TXNDC8: variants seen among roughly 807,000 people sequenced by gnomAD.
TXNDC8 encodes thioredoxin domain containing 8.
In TXNDC8, 15 loss-of-function variants were observed where a neutral mutation model predicts 12.9. The observed-to-expected ratio is 1.16, with a 90% CI of 0.78 to 1.79. The LOEUF (loss-of-function observed/expected upper bound fraction) is 1.79, where lower values mean the gene tolerates loss of function less well. Among genes scored for constraint, TXNDC8 ranks in the 40% most tolerant of loss-of-function variants. The probability of loss-of-function intolerance (pLI) is 0.00; values close to 1 mark genes in which losing one functional copy is unlikely to be tolerated. For synonymous variants in TXNDC8, 40 were observed against 35.4 expected (o/e 1.13, Z -0.46); for missense variants, 128 against 113.2 (o/e 1.13, Z -0.59).
At chr9:110,329,160 A>C in intron 2 of TXNDC8, 72 bp downstream of exon 3, 1 of 1,276,126 alleles carries the variant, frequency 7.8e-7, no homozygotes, top group Non-Finnish European at 1.1e-6. Context: ...ATTAATAATT[A>C]CTGAGACAGT....
At chr9:110,337,216 G>T (rs909883530) in intron 1 of TXNDC8, among the ~76,000 whole-genome samples, 1 of 152,092 alleles carries the variant, frequency 6.6e-6, no homozygotes, top group Non-Finnish European at 1.5e-5. Context: ...CAGAAGGTCT[G>T]GGTTCTAATG....
At chr9:110,328,662 C>T (rs545756515) in intron 2 of TXNDC8, among the ~76,000 whole-genome samples, 156 of 152,186 alleles carry the variant, frequency 1.0e-3, no homozygotes, top group Non-Finnish European at 1.7e-3. Context: ...CAAAATTAGC[C>T]GGGCGTGGTG....
At chr9:110,334,195 A>T in intron 2 of TXNDC8, 21 bp downstream of exon 2, 1 of 1,568,378 alleles carries the variant, frequency 6.4e-7, no homozygotes, top group South Asian at 1.1e-5. Context: ...AAACTATGAG[A>T]TATATACTGG....
chr9:110,319,290 G>A (rs773871080), intron 3 of TXNDC8, among the ~76,000 whole-genome samples: 6 of 152,198 alleles, frequency 3.9e-5, no homozygotes, highest in East Asian at 1.9e-4. Context: ...TTAAATGGAT[G>A]TTGTAGTTAT....
chr9:110,320,091 T>G (rs962474183), intron 3 of TXNDC8, among the ~76,000 whole-genome samples: 5 of 152,232 alleles, frequency 3.3e-5, no homozygotes, highest in African/African-American at 1.2e-4. Flanking sequence ...AATCAAAGAA[T>G]GAAAGATGGA....
At chr9:110,314,511 C>T (rs1337590561) in intron 3 of TXNDC8, among the ~76,000 whole-genome samples, 1 of 150,446 alleles carries the variant, frequency 6.6e-6, no homozygotes, top group African/African-American at 2.5e-5. Flanking sequence ...CGGCTCACTG[C>T]AAGCTCCGCC....
chr9:110,320,090 A>C (rs1379726483), intron 3 of TXNDC8, among the ~76,000 whole-genome samples: 1 of 152,226 alleles, frequency 6.6e-6, no homozygotes, highest in Non-Finnish European at 1.5e-5. Context: ...TAATCAAAGA[A>C]TGAAAGATGG....
intron 3 of TXNDC8, among the ~76,000 whole-genome samples, chr9:110,311,798 C>CTA (rs201493660): frequency 3.3e-5 from 4 of 123,012 alleles, no homozygotes; most frequent in Non-Finnish European, 5.4e-5. Flanking sequence ...ATACTATATA[C>CTA]TATATATACT....
At chr9:110,307,188 A>C (rs1489627377) in intron 3 of TXNDC8, among the ~76,000 whole-genome samples, 1 of 151,886 alleles carries the variant, frequency 6.6e-6, no homozygotes, top group Non-Finnish European at 1.5e-5. Flanking sequence ...TCCTGGCCTC[A>C]AAAGATCCTC....
chr9:110,319,920 A>C (rs1839028708), intron 3 of TXNDC8, among the ~76,000 whole-genome samples: 1 of 152,230 alleles, frequency 6.6e-6, no homozygotes, highest in African/African-American at 2.4e-5. Flanking sequence ...CATAAACATA[A>C]GGGCACAAGC....
intron 2 of TXNDC8, 47 bp from the exon 4 acceptor site, chr9:110,326,287 T>C: frequency 6.3e-7 from 1 of 1,597,946 alleles, no homozygotes; most frequent in Non-Finnish European, 8.6e-7. Flanking sequence ...TGGTGTCCTC[T>C]CTCTGTACCA....
downstream of TXNDC8, among the ~76,000 whole-genome samples, chr9:110,301,335 G>A: frequency 6.6e-6 from 1 of 152,196 alleles, no homozygotes; most frequent in East Asian, 1.9e-4. Context: ...GGTAATGAAT[G>A]CAAAGGGTTT....
intron 3 of TXNDC8, among the ~76,000 whole-genome samples, chr9:110,315,599 A>G (rs1838855341): frequency 6.6e-6 from 1 of 151,902 alleles, no homozygotes; most frequent in African/African-American, 2.4e-5. Context: ...TTGATATGCA[A>G]TTTTGGTTTT....
rs1587943420 is a variant in TXNDC8 at position 110,303,590 on chromosome 9, A to G, written c.*92T>C. 6.4e-7 allele frequency: 1 copy of G among 1,551,854 alleles called. No homozygotes were observed. The highest frequency in any genetic ancestry group is 1.9e-5 in the Admixed American group (1 of 53,068). On this transcript the variant is annotated 3_prime_UTR_variant, in exon 5 of 5. Coordinates refer to ENST00000423740, the MANE Select transcript of TXNDC8 (RefSeq NM_001286946.2). ...CTCCACAAAACTCAAAAATCTGTTC[A>G]CAAATGCACAAAGGTGAAACATTTA...
intron 3 of TXNDC8, chr9:110,322,833 T>G (rs1294250243): frequency 2.0e-6 from 2 of 985,282 alleles, no homozygotes; most frequent in African/African-American, 3.5e-5. Context: ...ATTCATGCAC[T>G]CACTCATTCA....
rs766619754 is a variant in TXNDC8 at position 110,334,279 on chromosome 9, G to A, written c.66C>T (p.Leu22=). ...GTTTCGAAGAAAATTGAACCACTGC[G>A]AGTTTGTGTCCGGCAGCTGTCAAAA... The change falls in exon 2 of 5, where the codon CTC becomes CTT. Residue 22 remains leucine (L), a synonymous_variant. Coordinates refer to ENST00000423740, the MANE Select transcript of TXNDC8 (RefSeq NM_001286946.2). 2.7e-5 allele frequency: 44 copies of A among 1,613,752 alleles called. No individual in the cohort carries two copies. Among genetic ancestry groups the A allele is most frequent in the Admixed American group, 1.5e-4 (9 of 60,002 alleles).
intron 3 of TXNDC8, among the ~76,000 whole-genome samples, chr9:110,314,528 G>A (rs772205329): frequency 2.0e-5 from 3 of 151,150 alleles, no homozygotes; most frequent in Non-Finnish European, 4.4e-5. Flanking sequence ...CGCCTCCTGG[G>A]TTCTCGCCAT....
downstream of TXNDC8, among the ~76,000 whole-genome samples, chr9:110,302,457 A>T (rs73526749): frequency 0.013 from 1,985 of 152,296 alleles, 41 homozygotes; most frequent in African/African-American, 0.045. Flanking sequence ...ATTCTAAAAA[A>T]GCATATGGAG....
chr9:110,322,591 A>G (rs996825196), intron 3 of TXNDC8: 16 of 985,358 alleles, frequency 1.6e-5, no homozygotes, highest in Non-Finnish European at 1.9e-5. Context: ...TCAAGAGCAT[A>G]GACACAAAAT....
Sources: allele counts gnomAD v4.1 joint callset (sites outside exome capture counted in the v4.1 genomes callset), GRCh38; gene constraint gnomAD v4.1.1; transcripts MANE v1.5; gene names NCBI Gene and HGNC (gene_info 2026-07-23, HGNC 2026-07-21).